The following ATXN1 variants were observed in gnomAD, a reference collection of about 807,000 sequenced individuals.
The protein encoded by ATXN1 is ataxin-1.
ATXN1 carries 8 observed loss-of-function variants against 56.4 expected under a neutral mutation model. The ratio of observed to expected loss-of-function variants is 0.14; its 90% CI spans 0.08 to 0.26. ATXN1 has a LOEUF of 0.26. Ranked by LOEUF, ATXN1 falls within the 10% of genes least tolerant of loss-of-function variation. The pLI is 1.00. For missense variants in ATXN1, 987 were observed against 1,106.5 expected (o/e 0.89, Z 1.53); for synonymous variants, 514 against 494.6 (o/e 1.04, Z -0.52).
intron 2 of ATXN1, among the ~76,000 whole-genome samples, chr6:16,743,427 C>T (rs1307630966): frequency 6.6e-6 from 1 of 152,214 alleles, no homozygotes; most frequent in Non-Finnish European, 1.5e-5. Context: ...CTGTGGTTCA[C>T]AGGACCCCAT....
chr6:16,504,939 A>G (rs1760953748), intron 5 of ATXN1, among the ~76,000 whole-genome samples: 1 of 151,442 alleles, frequency 6.6e-6, no homozygotes, highest in African/African-American at 2.4e-5. Context: ...TTCAGGCTCT[A>G]GAAAATAGCA....
At chr6:16,719,995 G>A (rs1759714636) in intron 2 of ATXN1, among the ~76,000 whole-genome samples, 1 of 152,114 alleles carries the variant, frequency 6.6e-6, no homozygotes, top group South Asian at 2.1e-4. Flanking sequence ...TAATTTATTA[G>A]AGCAGCCCTG....
chr6:16,607,404 T>C (rs972801796), intron 3 of ATXN1, among the ~76,000 whole-genome samples: 7 of 152,246 alleles, frequency 4.6e-5, no homozygotes, highest in African/African-American at 1.7e-4. Flanking sequence ...ATGTAAATTA[T>C]GCAAGTGAGA....
intron 3 of ATXN1, among the ~76,000 whole-genome samples, chr6:16,631,757 T>C (rs548926912): frequency 6.6e-6 from 1 of 152,364 alleles, no homozygotes; most frequent in East Asian, 1.9e-4. Flanking sequence ...GAATGGCTAA[T>C]CAATAAGAGT....
chr6:16,540,543 T>C (rs1024742619), intron 4 of ATXN1, among the ~76,000 whole-genome samples: 10 of 152,100 alleles, frequency 6.6e-5, no homozygotes, highest in African/African-American at 2.4e-4. Flanking sequence ...CCCAGTGAGA[T>C]GAGTTCTATT....
At chr6:16,493,589 G>C (rs532531482) in intron 5 of ATXN1, among the ~76,000 whole-genome samples, 117 of 152,032 alleles carry the variant, frequency 7.7e-4, no homozygotes, top group African/African-American at 2.7e-3. Flanking sequence ...GGTAACTTCC[G>C]TAAAGGTAGG....
chr6:16,666,332 C>G (rs1182277617), intron 2 of ATXN1, among the ~76,000 whole-genome samples: 2 of 152,186 alleles, frequency 1.3e-5, no homozygotes, highest in Admixed American at 6.5e-5. Flanking sequence ...TTTTGTATGG[C>G]TGAATAATAT....
chr6:16,373,994 T>C (rs1179821321), intron 6 of ATXN1, among the ~76,000 whole-genome samples: 1 of 152,088 alleles, frequency 6.6e-6, no homozygotes, highest in Non-Finnish European at 1.5e-5. Context: ...GTTCTGTAAA[T>C]AGGCACATGT....
Position 16,722,972 on chromosome 6 carries a change from G to C in ATXN1, c.-615+30261C>G, listed in dbSNP as rs556123793. 4.6e-5 allele frequency among the ~76,000 whole-genome samples: 7 copies of C among 152,258 alleles called. No individual in the cohort carries two copies. In the South Asian group the frequency reaches 1.5e-3, roughly 32 times the overall value. Reference sequence around the variant, plus strand: ...TACAGAAGTATTTTCTACCAAAGAAGGTACAAGGTGTTTTTACCCAACAAC... The same window carrying C: ...TACAGAAGTATTTTCTACCAAAGAACGTACAAGGTGTTTTTACCCAACAAC... On this transcript the variant is annotated intron_variant, in intron 2 of 7. Coordinates refer to ENST00000436367, the MANE Select transcript of ATXN1 (RefSeq NM_001128164.2).
At chr6:16,728,919 T>C (rs558386929) in intron 2 of ATXN1, among the ~76,000 whole-genome samples, 24 of 152,342 alleles carry the variant, frequency 1.6e-4, no homozygotes, top group African/African-American at 5.8e-4. Flanking sequence ...TCTCCTTCTA[T>C]TTATTCCTAG....
intron 2 of ATXN1, among the ~76,000 whole-genome samples, chr6:16,672,554 T>C (rs1406893584): frequency 6.6e-6 from 1 of 152,144 alleles, no homozygotes; most frequent in Admixed American, 6.5e-5. Context: ...GATGGGGAGA[T>C]GATACAGGTG....
rs60586256 is a variant in ATXN1 at position 16,620,262 on chromosome 6, A to AACACACAC, written c.-488-34363_-488-34356dup. On this transcript the variant is annotated intron_variant, in intron 3 of 7. Transcript: ENST00000436367. ...TCTCTCTCTCTCTCTCTGTCTCTCA[A>AACACACAC]ACACACACACACACACACACACACA... Among the ~76,000 whole-genome samples, 534 of 137,484 alleles carry AACACACAC rather than the reference A, an allele frequency of 3.9e-3. 2 individuals carry two copies. Among genetic ancestry groups the AACACACAC allele is most frequent in the African/African-American group, 9.3e-3 (350 of 37,494 alleles). The allele number at this position is 137,484 out of a possible 152,430, so 90.2% of individuals were successfully genotyped here.
chr6:16,366,090 T>C (rs934299942), intron 6 of ATXN1, among the ~76,000 whole-genome samples: 5 of 152,214 alleles, frequency 3.3e-5, no homozygotes, highest in African/African-American at 4.8e-5. Flanking sequence ...ACAGCAATCT[T>C]TAAAGAAACA....
In ATXN1 at chr6:16,574,455, C is replaced by T. The variant is rs191027790; in HGVS notation, c.-361+11325G>A. Among the ~76,000 whole-genome samples the T allele has an allele frequency of 1.3e-3, 192 of 152,274 alleles. 1 individual carries two copies. The highest frequency in any genetic ancestry group is 1.4e-3 in the Admixed American group (21 of 15,300). ...AACTCCCGACCTCAGGTGATCCGCC[C>T]GCCTCGGCCTCCCAAAGTGTTGGGA... On this transcript the variant is annotated intron_variant, in intron 4 of 7. Transcript: ENST00000436367.
At position 16,300,383 on chromosome 6, in the gene ATXN1, A is replaced by AAGTT. The variant is rs1345449117; in HGVS notation, c.*5942_*5945dup. ...TTCCCTCCCGCCATTACACAGGAGA[A>AAGTT]AGTTAGCTACCAGAACAGTTGCCTT... is the stretch of plus-strand genomic sequence containing the variant. On this transcript the variant is annotated 3_prime_UTR_variant, in exon 8 of 8. Transcript: ENST00000436367. 6.6e-6 allele frequency: 1 copy of AAGTT among 152,640 alleles called. No homozygotes were observed. Among genetic ancestry groups the AAGTT allele is most frequent in the Non-Finnish European group, 1.5e-5 (1 of 68,026 alleles). 9.5% of individuals were successfully genotyped at this position (152,640 alleles called of 1,614,324 possible).
At position 16,304,918 on chromosome 6, in the gene ATXN1, A is replaced by T. The variant is rs1416089779; in HGVS notation, c.*1411T>A. ...CCAACTCTGCATATGCCTTGAACTG[A>T]TTCTCAGACATCAAAGTGAAAAGTG... On this transcript the variant is annotated 3_prime_UTR_variant, in exon 8 of 8. Coordinates refer to ENST00000436367, the MANE Select transcript of ATXN1 (RefSeq NM_001128164.2). 1 of 152,638 alleles carries T rather than the reference A, an allele frequency of 6.6e-6. No individual in the cohort carries two copies. Among genetic ancestry groups the T allele is most frequent in the Non-Finnish European group, 1.5e-5 (1 of 68,038 alleles). 9.5% of individuals were successfully genotyped at this position (152,638 alleles called of 1,614,324 possible).
chr6:16,644,563 GGTGTGTGTGT>G (rs113345902), intron 3 of ATXN1, among the ~76,000 whole-genome samples: 3 of 142,922 alleles, frequency 2.1e-5, no homozygotes, highest in African/African-American at 5.2e-5. Flanking sequence ...TAAATTTTAT[GGTGTGTGTGT>G]GTGTGTGTGT....
At chr6:16,505,748 C>T (rs553741097) in intron 5 of ATXN1, among the ~76,000 whole-genome samples, 2 of 152,196 alleles carry the variant, frequency 1.3e-5, no homozygotes, top group East Asian at 1.9e-4. Flanking sequence ...CAGGGAGAAC[C>T]GACAGTTTAA....
chr6:16,759,100 T>C (rs1440776645), intron 1 of ATXN1, among the ~76,000 whole-genome samples: 1 of 152,230 alleles, frequency 6.6e-6, no homozygotes, highest in Admixed American at 6.5e-5. Context: ...ATGTCTCAGC[T>C]AACACTGTTG....
Sources: allele counts gnomAD v4.1 joint callset (sites outside exome capture counted in the v4.1 genomes callset), GRCh38; gene constraint gnomAD v4.1.1; transcripts MANE v1.5; gene names NCBI Gene and HGNC (gene_info 2026-07-23, HGNC 2026-07-21).